Variants in SPDYE16 observed in about 807,000 individuals in gnomAD.
SPDYE16 encodes the protein speedy/RINGO cell cycle regulator family member E16.
Under a neutral mutation model 40.1 loss-of-function variants are expected in SPDYE16, and 5 were observed. The ratio of observed to expected loss-of-function variants is 0.12; its 90% CI spans 0.07 to 0.26. The LOEUF (loss-of-function observed/expected upper bound fraction) is 0.26. Among genes scored for constraint, SPDYE16 ranks in the 10% least tolerant of loss-of-function variants. The pLI, the probability that SPDYE16 is intolerant of heterozygous loss-of-function variation, is 1.00. For synonymous variants in SPDYE16, 40 were observed against 154.2 expected, an observed-to-expected ratio of 0.26 and a Z score of 5.49; for missense variants, 98 against 409.8, an observed-to-expected ratio of 0.24 and a Z score of 6.57.
rs199548390 is a variant in SPDYE16 at position 76,533,857 on chromosome 7, C to G, written c.999+19G>C. ...CCCGATTCCTCCCCACCTCCTCCAC[C>G]TCCCCAGGCCCCACTCACCTCCTCC... On this transcript the variant is annotated intron_variant, in intron 7 of 8. Coordinates refer to ENST00000633306, the MANE Select transcript of SPDYE16 (RefSeq NM_001394943.1). 93 of 1,222,544 alleles carry G rather than the reference C, an allele frequency of 7.6e-5. 2 individuals are homozygous for G. The highest frequency in any genetic ancestry group is 3.1e-4 in the Middle Eastern group (1 of 3,226). The allele number at this position is 1,222,544 out of a possible 1,614,324, so 75.7% of individuals were successfully genotyped here. A position where few individuals can be genotyped will look rare whatever the true frequency, so the allele number is the denominator to read the frequency against.
In SPDYE16 at chr7:76,537,541, G is replaced by A; in HGVS notation, c.621C>T (p.Val207=). 1 of 815,748 alleles carries A rather than the reference G, an allele frequency of 1.2e-6. No homozygotes were observed. Among genetic ancestry groups the A allele is most frequent in the Admixed American group, 2.8e-5 (1 of 35,222 alleles). The allele number at this position is 815,748 out of a possible 1,614,324, so 50.5% of individuals were successfully genotyped here. Residue 207 remains valine (V), a synonymous_variant, in exon 5 of 9, where the codon GTC becomes GTT. Transcript: ENST00000633306. ...TGTCCCAGGCCAGGAATCTTTTAATGACAGGATCCTCTGTGATTAGAGAGC... is the reference window on the plus strand; with the variant it reads ...TGTCCCAGGCCAGGAATCTTTTAATAACAGGATCCTCTGTGATTAGAGAGC... ...EAFNRLLEDP[V]IKRFLAWDKD... is the part of the protein sequence containing the mutation.
At chr7:76,532,884 G>A (rs1812950431) in intron 8 of SPDYE16, 90 bp from the exon 9 acceptor site, 1 of 861,986 alleles carries the variant, frequency 1.2e-6, no homozygotes, top group African/African-American at 2.1e-5. Context: ...CTAGAGTTCA[G>A]AGCAATTGAG....
chr7:76,536,082 G>T, intron 6 of SPDYE16, 90 bp downstream of exon 6: 3 of 343,272 alleles, frequency 8.7e-6, no homozygotes, highest in Non-Finnish European at 1.5e-5. Flanking sequence ...GGACAAATAG[G>T]TGAAAGAATA....
chr7:76,539,491 C>G (rs1318077315), intron 3 of SPDYE16, among the ~76,000 whole-genome samples: 1 of 81,846 alleles, frequency 1.2e-5, no homozygotes, highest in African/African-American at 7.3e-5. Flanking sequence ...GTCTCACTCT[C>G]TCACCCAGAA....
rs1812964441 is a variant in SPDYE16, at chr7:76,533,532, G to A, written c.*45+117C>T. On this transcript the variant is annotated intron_variant, in intron 8 of 8. Coordinates refer to ENST00000633306, the MANE Select transcript of SPDYE16 (RefSeq NM_001394943.1). ...GCCTGGCTAATTTTTGTATTTTTGT[G>A]GAGAGGGGAATCTCGCCACGTTGCC... 4 of 901,476 alleles carry A rather than the reference G, an allele frequency of 4.4e-6. 2 individuals are homozygous for A. The East Asian group carries it at 1.5e-4, about 34-fold the overall frequency. 55.8% of individuals were successfully genotyped at this position (901,476 alleles called of 1,614,324 possible). A position where few individuals can be genotyped will look rare whatever the true frequency, so the allele number is the denominator to read the frequency against.
chr7:76,541,960 TGTACAAGAGTGAGATTATCAC>T lies in SPDYE16; in HGVS notation c.-421-101_-421-81del, dbSNP rs1353664879. Among the ~76,000 whole-genome samples the T allele has an allele frequency of 3.1e-3, 291 of 93,102 alleles. 4 individuals are homozygous for T. Among genetic ancestry groups the T allele is most frequent in the South Asian group, 0.015 (41 of 2,788 alleles). The allele number at this position is 93,102 out of a possible 152,430, so 61.1% of individuals were successfully genotyped here. ...AAACCTTATAAGAGTGAGATTATCA[TGTACAAGAGTGAGATTATCAC>T]GTACAAGAGTGAGATTATCATGTAC... On this transcript the variant is annotated intron_variant, in intron 1 of 8. Transcript: ENST00000633306.
intron 2 of SPDYE16, 199 bp from the exon 3 acceptor site, chr7:76,540,545 C>T (rs112297648): frequency 0.34 from 407,203 of 1,184,308 alleles, 126,965 homozygotes; most frequent in South Asian, 0.39. Context: ...CTCTGTCCTC[C>T]GAACACTGCT....
intron 3 of SPDYE16, among the ~76,000 whole-genome samples, chr7:76,539,366 T>C (rs1813115646): frequency 1.0e-5 from 1 of 98,048 alleles, no homozygotes; most frequent in Non-Finnish European, 2.0e-5. Flanking sequence ...TGTGAGCCAC[T>C]GCACCCTGCC....
intron 3 of SPDYE16, among the ~76,000 whole-genome samples, chr7:76,539,824 T>G (rs148756477): frequency 0.015 from 1,706 of 114,092 alleles, 618 homozygotes; most frequent in African/African-American, 0.074. Context: ...CACTGCAGTC[T>G]CAAAGTCCTG....
intron 2 of SPDYE16, among the ~76,000 whole-genome samples, chr7:76,541,003 C>T (rs1451627211): frequency 2.4e-5 from 3 of 122,844 alleles, no homozygotes; most frequent in South Asian, 2.7e-4. Flanking sequence ...AGTGCAGTAG[C>T]GTGATCTCAG....
chr7:76,533,815 A>G lies in SPDYE16; in HGVS notation c.999+61T>C, dbSNP rs568385448. ...CGCCAGGATACCCCTCTCTCCCCTC[A>G]TCCAGCCTCCAGCCCACCCGATTCC... On this transcript the variant is annotated intron_variant, in intron 7 of 8. Transcript: ENST00000633306. 4.8e-4 allele frequency: 528 copies of G among 1,090,072 alleles called. 136 individuals carry two copies. The East Asian group carries it at 6.3e-3, about 13-fold the overall frequency. 67.5% of individuals were successfully genotyped at this position (1,090,072 alleles called of 1,614,324 possible).
At chr7:76,538,473 T>C (rs1310710864) in intron 4 of SPDYE16, 113 bp downstream of exon 4, 1 of 682,074 alleles carries the variant, frequency 1.5e-6, no homozygotes, top group Non-Finnish European at 2.4e-6. Flanking sequence ...TCCTCCCACA[T>C]GGAGAGCTCA....
intron 5 of SPDYE16, 46 bp downstream of exon 5, chr7:76,537,447 C>CG: frequency 2.0e-6 from 1 of 510,116 alleles, no homozygotes; most frequent in South Asian, 1.9e-5. Flanking sequence ...GCCCTCCCCC[C>CG]AGCCATGCGT....
chr7:76,538,439 C>T (rs1047682264), intron 4 of SPDYE16, 147 bp downstream of exon 4: 70 of 865,360 alleles, frequency 8.1e-5, no homozygotes, highest in Non-Finnish European at 1.1e-4. Flanking sequence ...TCCTAAGTGT[C>T]CCTCATGAGT....
At position 76,533,654 on chromosome 7, in the gene SPDYE16, C is replaced by G; in HGVS notation, c.*40G>C. On this transcript the variant is annotated 3_prime_UTR_variant, in exon 8 of 9. Transcript: ENST00000633306. ...CCCGGAGGATGCAGATGTACCTTCT[C>G]TCAGGCCGATGACCTCAGGCCTCCA... 9.4e-7 allele frequency: 1 copy of G among 1,058,396 alleles called. No homozygotes were observed. The highest frequency in any genetic ancestry group is 1.3e-6 in the Non-Finnish European group (1 of 781,836). The allele number at this position is 1,058,396 out of a possible 1,614,324, so 65.6% of individuals were successfully genotyped here.
chr7:76,534,691 G>C (rs1276623968), intron 6 of SPDYE16, among the ~76,000 whole-genome samples: 1 of 146,454 alleles, frequency 6.8e-6, no homozygotes, highest in African/African-American at 2.6e-5. Flanking sequence ...GGAGGCGGAG[G>C]TTGCAGTGAG....
chr7:76,535,953 C>T (rs1298317886), intron 6 of SPDYE16, among the ~76,000 whole-genome samples: 1 of 83,058 alleles, frequency 1.2e-5, no homozygotes, highest in Non-Finnish European at 2.4e-5. Context: ...ATCTGCCTGC[C>T]TCGGCCTCCC....
intron 6 of SPDYE16, among the ~76,000 whole-genome samples, chr7:76,535,318 AGAAAGGCATCAGCTAAG>A (rs1813015760): frequency 3.1e-5 from 3 of 97,494 alleles, no homozygotes; most frequent in Non-Finnish European, 6.1e-5. Flanking sequence ...GCCTCGATAG[AGAAAGGCATCAGCTAAG>A]GAAGTTGTTC....
chr7:76,532,499 A>G lies in SPDYE16; in HGVS notation c.*341T>C, dbSNP rs557558208. 8 of 230,558 alleles carry G rather than the reference A, an allele frequency of 3.5e-5. 2 individuals carry two copies. Among genetic ancestry groups the G allele is most frequent in the Non-Finnish European group, 6.2e-5 (8 of 129,414 alleles). 14.3% of individuals were successfully genotyped at this position (230,558 alleles called of 1,614,324 possible). A position where few individuals can be genotyped will look rare whatever the true frequency, so the allele number is the denominator to read the frequency against. ...GAAACAGGACCTCAGGTTCCGCCCC[A>G]GGGAGGTTGGCATTCAGCAATATAA... is the stretch of plus-strand genomic sequence containing the variant. On this transcript the variant is annotated 3_prime_UTR_variant, in exon 9 of 9. Coordinates refer to ENST00000633306, the MANE Select transcript of SPDYE16 (RefSeq NM_001394943.1).
Sources: gnomAD v4.1 joint callset for allele counts (sites outside exome capture counted in the v4.1 genomes callset) on GRCh38, gnomAD v4.1.1 for gene constraint, MANE v1.5 for transcripts, NCBI Gene and HGNC (gene_info 2026-07-23, HGNC 2026-07-21) for gene names.